Variants in SBNO1 observed in about 807,000 individuals in gnomAD.
SBNO1 encodes the protein protein strawberry notch homolog 1.
In SBNO1, 23 loss-of-function variants were observed where a neutral mutation model predicts 173.6. That is an observed-to-expected ratio of 0.13 (90% CI 0.10 to 0.19). The LOEUF (loss-of-function observed/expected upper bound fraction) is 0.19, where lower values mean the gene tolerates loss of function less well. SBNO1 is among the 10% of genes least tolerant of loss of function. SBNO1 has a pLI of 1.00. For missense variants in SBNO1, 1,238 were observed against 1,671.2 expected, an observed-to-expected ratio of 0.74 and a Z score of 4.52; for synonymous variants, 632 against 571.5, an observed-to-expected ratio of 1.11 and a Z score of -1.51.
intron 1 of SBNO1, among the ~76,000 whole-genome samples, chr12:123,353,304 T>TA (rs1249501952): frequency 6.6e-6 from 1 of 152,182 alleles, no homozygotes; most frequent in Non-Finnish European, 1.5e-5. Context: ...TCAGAAAACT[T>TA]AAATCATCTA....
rs993342581 is a variant in SBNO1 at position 123,295,212 on chromosome 12, T to C, written c.*696A>G. On this transcript the variant is annotated 3_prime_UTR_variant, in exon 32 of 32. Transcript: ENST00000602398. ...GGGCAGGGAGAAGGGGAAGGAGGGG[T>C]CTGCAGGGTTTGAAGCAATACCCAG... 1 of 151,998 alleles carries C rather than the reference T, an allele frequency of 6.6e-6. No individual in the cohort carries two copies. The highest frequency in any genetic ancestry group is 1.5e-5 in the Non-Finnish European group (1 of 68,010). The allele number at this position is 151,998 out of a possible 1,614,324, so 9.4% of individuals were successfully genotyped here. A position where few individuals can be genotyped will look rare whatever the true frequency, so the allele number is the denominator to read the frequency against.
At chr12:123,320,981 C>T (rs1247102590) in intron 17 of SBNO1, 115 bp from the exon 18 acceptor site, 1 of 879,468 alleles carries the variant, frequency 1.1e-6, no homozygotes, top group African/African-American at 1.7e-5. Context: ...CTGTTGTAGC[C>T]CAGGCTGGAG....
chr12:123,292,990 A>T lies in SBNO1; in HGVS notation c.*2918T>A, dbSNP rs1325536597. On this transcript the variant is annotated 3_prime_UTR_variant, in exon 32 of 32. Transcript: ENST00000602398. Reference sequence around the variant, plus strand: ...GAGGGGAACACTAATTCCCCCAGAGATAACATCTGAGCTGCTTTAGACTCT... The same window carrying T: ...GAGGGGAACACTAATTCCCCCAGAGTTAACATCTGAGCTGCTTTAGACTCT... 6.6e-6 allele frequency: 1 copy of T among 152,230 alleles called. No homozygotes were observed. Among genetic ancestry groups the T allele is most frequent in the African/African-American group, 2.4e-5 (1 of 41,456 alleles). 9.4% of individuals were successfully genotyped at this position (152,230 alleles called of 1,614,324 possible). A position where few individuals can be genotyped will look rare whatever the true frequency, so the allele number is the denominator to read the frequency against.
Position 123,334,214 on chromosome 12 carries a change from C to A in SBNO1, c.749-1G>T. 6.5e-7 allele frequency: 1 copy of A among 1,544,930 alleles called. No individual in the cohort carries two copies. The highest frequency in any genetic ancestry group is 8.7e-7 in the Non-Finnish European group (1 of 1,146,892). Reference sequence around the variant, plus strand: ...TCTGGATGACGTAGGCCAATTTTTACTAAACAAAAATGTAAAAACATTTTA... The same window carrying A: ...TCTGGATGACGTAGGCCAATTTTTAATAAACAAAAATGTAAAAACATTTTA... On this transcript the variant is annotated splice_acceptor_variant, in intron 6 of 31. Transcript: ENST00000602398. LOFTEE classifies it high-confidence loss of function.
intron 4 of SBNO1, among the ~76,000 whole-genome samples, chr12:123,342,255 A>AAATT (rs546186892): frequency 5.9e-5 from 9 of 151,912 alleles, no homozygotes; most frequent in South Asian, 4.1e-4. Context: ...TGTCTCAAAA[A>AAATT]AATTAATTAA....
chr12:123,302,992 T>A, intron 29 of SBNO1, 92 bp from the exon 30 acceptor site: 1 of 918,614 alleles, frequency 1.1e-6, no homozygotes, highest in Non-Finnish European at 1.8e-6. Flanking sequence ...GTAGCCAATT[T>A]AAAATAATCT....
intron 7 of SBNO1, among the ~76,000 whole-genome samples, chr12:123,332,278 GGTTTTTGTTT>G (rs1467008621): frequency 6.6e-6 from 1 of 152,054 alleles, no homozygotes; most frequent in African/African-American, 2.4e-5. Flanking sequence ...GAATCAAACA[GGTTTTTGTTT>G]GTTTTTGTTT....
Position 123,357,971 on chromosome 12 carries a change from A to C in SBNO1, c.-1+6730T>G, listed in dbSNP as rs1265034310. 1.3e-5 allele frequency among the ~76,000 whole-genome samples: 2 copies of C among 152,228 alleles called. 1 individual carries two copies. Among genetic ancestry groups the C allele is most frequent in the Non-Finnish European group, 2.9e-5 (2 of 68,040 alleles). Reference sequence around the variant, plus strand: ...GGGGAATTAAACAACTTTCTTGATTATCACTAGTCAAATTCAGATGGTCAA... The same window carrying C: ...GGGGAATTAAACAACTTTCTTGATTCTCACTAGTCAAATTCAGATGGTCAA... On this transcript the variant is annotated intron_variant, in intron 1 of 31. Transcript: ENST00000602398.
At chr12:123,335,716 A>G (rs1871762351) in intron 6 of SBNO1, among the ~76,000 whole-genome samples, 1 of 152,240 alleles carries the variant, frequency 6.6e-6, no homozygotes, top group Non-Finnish European at 1.5e-5. Context: ...CTTATTTACT[A>G]TAAAAAAGCG....
chr12:123,334,111 G>T lies in SBNO1; in HGVS notation c.851C>A (p.Thr284Asn), dbSNP rs763715860. The T allele has an allele frequency of 1.2e-6, 2 of 1,605,740 alleles. No homozygotes were observed. Among genetic ancestry groups the T allele is most frequent in the South Asian group, 1.1e-5 (1 of 87,804 alleles). ...TGCTGATAACCAGCCATTATCAATG[G>T]TTTCCTCAGAAATGGATGTTTTGTA... Reference protein sequence around the residue: ...VWYKTSISEETIDNGWLSALQ... With the variant: ...VWYKTSISEENIDNGWLSALQ... Residue 284 changes from threonine to asparagine, a missense_variant, in exon 7 of 32, where the codon ACC (threonine) becomes AAC (asparagine). Physicochemically the swap from Thr to Asn is moderately conservative, Grantham distance 65 (BLOSUM62 0). This residue lies in a region of SBNO1 where 78 missense variants were observed against 103.3 expected (regional missense o/e 0.76). Coordinates refer to ENST00000602398, the MANE Select transcript of SBNO1 (RefSeq NM_001167856.3).
chr12:123,297,465 C>A (rs2048648190), intron 31 of SBNO1, among the ~76,000 whole-genome samples: 2 of 129,848 alleles, frequency 1.5e-5, no homozygotes, highest in African/African-American at 5.5e-5. Context: ...GATATGCAAT[C>A]CGTGGTAGAG....
In SBNO1 at chr12:123,302,937, T is replaced by C. The variant is rs1205992803; in HGVS notation, c.3769-37A>G. 2.0e-6 allele frequency: 3 copies of C among 1,483,226 alleles called. No homozygotes were observed. The South Asian group carries it at 3.4e-5, about 17-fold the overall frequency. The allele number at this position is 1,483,226 out of a possible 1,614,324, so 91.9% of individuals were successfully genotyped here. ...AGAAGAATTTCATTGAAAACAGTAT[T>C]GCTTTAAATAAACTGGTTACCTAGT... On this transcript the variant is annotated intron_variant, in intron 29 of 31. Coordinates refer to ENST00000602398, the MANE Select transcript of SBNO1 (RefSeq NM_001167856.3).
intron 30 of SBNO1, 94 bp from the exon 31 acceptor site, chr12:123,298,265 CTTTTCT>C (rs778402355): frequency 1.5e-4 from 186 of 1,230,980 alleles, no homozygotes; most frequent in South Asian, 3.2e-4. Flanking sequence ...AATTTCTTTT[CTTTTCT>C]TTTTTTTTTG....
intron 1 of SBNO1, among the ~76,000 whole-genome samples, chr12:123,358,955 T>C (rs1461091371): frequency 6.6e-6 from 1 of 151,592 alleles, no homozygotes; most frequent in African/African-American, 2.4e-5. Context: ...TGTTTTGAGA[T>C]GGACTCTTGC....
intron 31 of SBNO1, among the ~76,000 whole-genome samples, chr12:123,296,555 G>GTTTTTTTTT (rs35125710): frequency 2.1e-5 from 3 of 140,426 alleles, no homozygotes; most frequent in African/African-American, 2.7e-5. Context: ...ATATATATGT[G>GTTTTTTTTT]TTTTTTTTTT....
intron 1 of SBNO1, among the ~76,000 whole-genome samples, chr12:123,358,829 T>C (rs1249949428): frequency 6.6e-6 from 1 of 151,612 alleles, no homozygotes; most frequent in Non-Finnish European, 1.5e-5. Context: ...TCAGAAGGTC[T>C]GACACCACAT....
At chr12:123,297,815 CT>C (rs986057129) in intron 31 of SBNO1, among the ~76,000 whole-genome samples, 162 bp downstream of exon 31, 1 of 152,134 alleles carries the variant, frequency 6.6e-6, no homozygotes, top group Non-Finnish European at 1.5e-5. Context: ...TGTTTGAAGG[CT>C]TAACTTCTGT....
chr12:123,320,183 GA>G (rs1159621344), intron 19 of SBNO1, 152 bp from the exon 20 acceptor site: 7 of 946,224 alleles, frequency 7.4e-6, no homozygotes, highest in Non-Finnish European at 9.4e-6. Flanking sequence ...AGAGTCCCTG[GA>G]AAAACCTTGA....
intron 2 of SBNO1, among the ~76,000 whole-genome samples, chr12:123,349,939 A>G (rs1873686052): frequency 6.6e-6 from 1 of 151,726 alleles, no homozygotes; most frequent in Admixed American, 6.6e-5. Context: ...TAACACATGT[A>G]TTTAAAATTA....
Sources: gnomAD v4.1 joint callset for allele counts (sites outside exome capture counted in the v4.1 genomes callset) on GRCh38, gnomAD v4.1.1 for gene constraint, gnomAD v4.1.1 regional missense constraint, MANE v1.5 for transcripts, NCBI Gene and HGNC (gene_info 2026-07-23, HGNC 2026-07-21) for gene names.